The following EIF4ENIF1 variants were observed in gnomAD, a reference collection of about 807,000 sequenced individuals.
EIF4ENIF1 encodes the protein eukaryotic translation initiation factor 4E transporter.
A neutral mutation model predicts 110.5 loss-of-function variants in EIF4ENIF1; 23 were observed. That is an observed-to-expected ratio of 0.21 (90% CI 0.15 to 0.29). The LOEUF is 0.29. Ranked by LOEUF, EIF4ENIF1 falls within the 10% of genes least tolerant of loss-of-function variation. EIF4ENIF1 has a pLI of 1.00. For missense variants in EIF4ENIF1, 1,031 were observed against 1,221.1 expected (o/e 0.84, Z 2.32); for synonymous variants, 440 against 437.0 (o/e 1.01, Z -0.09).
intron 2 of EIF4ENIF1, among the ~76,000 whole-genome samples, chr22:31,487,851 C>T (rs2052103961): frequency 6.6e-6 from 1 of 151,330 alleles, no homozygotes; most frequent in African/African-American, 2.4e-5. Flanking sequence ...GATGTGTGCC[C>T]AACTAGGATA....
At chr22:31,479,211 C>T (rs1462879430) in intron 2 of EIF4ENIF1, among the ~76,000 whole-genome samples, 1 of 151,830 alleles carries the variant, frequency 6.6e-6, no homozygotes, top group East Asian at 2.0e-4. Flanking sequence ...GGATTACAGG[C>T]TCATGCCGCC....
intron 2 of EIF4ENIF1, among the ~76,000 whole-genome samples, chr22:31,478,515 CAAAAAAA>C: frequency 1.1e-5 from 1 of 87,698 alleles, no homozygotes; most frequent in South Asian, 4.2e-4. Context: ...GACTCTGTCT[CAAAAAAA>C]AAAAAAAAAA....
At chr22:31,469,464 A>G (rs1054555148) in intron 3 of EIF4ENIF1, among the ~76,000 whole-genome samples, 8 of 152,220 alleles carry the variant, frequency 5.3e-5, no homozygotes, top group Non-Finnish European at 1.0e-4. Flanking sequence ...ACCAATGAAC[A>G]TTTCTTGAAT....
intron 15 of EIF4ENIF1, chr22:31,443,330 C>G: frequency 2.4e-6 from 1 of 423,322 alleles, no homozygotes; most frequent in South Asian, 4.4e-5. Flanking sequence ...GCCTATGCAG[C>G]CTCTGCGTCA....
At chr22:31,491,100 C>T (rs1472606673), upstream of EIF4ENIF1, among the ~76,000 whole-genome samples, 1 of 152,148 alleles carries the variant, frequency 6.6e-6, no homozygotes, top group Admixed American at 6.5e-5. Flanking sequence ...TCTGCCACCT[C>T]CTACAAGCTA....
chr22:31,484,320 G>A (rs1394853069), intron 2 of EIF4ENIF1, among the ~76,000 whole-genome samples: 1 of 152,090 alleles, frequency 6.6e-6, no homozygotes, highest in African/African-American at 2.4e-5. Flanking sequence ...ACTCTGAAAA[G>A]CACCTGACCA....
chr22:31,459,791 A>G lies in EIF4ENIF1; in HGVS notation c.788-1141T>C, dbSNP rs77341572. Among the ~76,000 whole-genome samples the G allele has an allele frequency of 1.5e-3, 235 of 152,320 alleles. 3 individuals are homozygous for G. The East Asian group carries it at 0.034, about 22-fold the overall frequency. On this transcript the variant is annotated intron_variant, in intron 6 of 18. Coordinates refer to ENST00000330125, the MANE Select transcript of EIF4ENIF1 (RefSeq NM_019843.4). Reference sequence around the variant, plus strand: ...TTTAAATACATAGCAAGGGCAACCTAGAGACATTCTGTAGTTAGCTAATGG... The same window carrying G: ...TTTAAATACATAGCAAGGGCAACCTGGAGACATTCTGTAGTTAGCTAATGG...
intron 17 of EIF4ENIF1, 30 bp downstream of exon 17, chr22:31,441,744 G>C (rs765496977): frequency 6.4e-7 from 1 of 1,572,654 alleles, no homozygotes; most frequent in East Asian, 2.2e-5. Flanking sequence ...CCCACAAACT[G>C]ACGACACCCA....
At chr22:31,471,785 T>C in intron 3 of EIF4ENIF1, 59 bp downstream of exon 3, 1 of 1,396,824 alleles carries the variant, frequency 7.2e-7, no homozygotes, top group Non-Finnish European at 9.9e-7. Flanking sequence ...ATTTACCAAG[T>C]TTGGTATAAC....
At chr22:31,472,667 A>G (rs1009836802) in intron 2 of EIF4ENIF1, among the ~76,000 whole-genome samples, 1 of 152,120 alleles carries the variant, frequency 6.6e-6, no homozygotes, top group South Asian at 2.1e-4. Context: ...TTTATCATTT[A>G]CTTTTTTGCA....
chr22:31,448,277 G>C (rs766126155), intron 12 of EIF4ENIF1, 45 bp from the exon 13 acceptor site: 1 of 1,583,602 alleles, frequency 6.3e-7, no homozygotes, highest in South Asian at 1.1e-5. Flanking sequence ...TGGTATGTGT[G>C]CATCAGGGAG....
chr22:31,468,326 T>C, intron 3 of EIF4ENIF1, 24 bp from the exon 4 acceptor site: 1 of 1,614,066 alleles, frequency 6.2e-7, no homozygotes, highest in Non-Finnish European at 8.5e-7. Flanking sequence ...AATACAACTG[T>C]TAGCACTTAC....
chr22:31,473,871 G>A (rs1204069140), intron 2 of EIF4ENIF1, among the ~76,000 whole-genome samples: 1 of 152,102 alleles, frequency 6.6e-6, no homozygotes, highest in East Asian at 1.9e-4. Flanking sequence ...TTGGTCTTCA[G>A]TTTTCCACTA....
chr22:31,451,827 C>G (rs541077630), intron 10 of EIF4ENIF1, among the ~76,000 whole-genome samples: 1 of 152,254 alleles, frequency 6.6e-6, no homozygotes, highest in East Asian at 1.9e-4. Flanking sequence ...CTGGAGTCCC[C>G]TCCTGCATTT....
At chr22:31,474,149 C>A (rs562162778) in intron 2 of EIF4ENIF1, among the ~76,000 whole-genome samples, 1 of 151,978 alleles carries the variant, frequency 6.6e-6, no homozygotes, top group South Asian at 2.1e-4. Context: ...CCCCTGCCTT[C>A]TGGGTTGAAG....
At chr22:31,440,930 T>C in intron 17 of EIF4ENIF1, 62 bp from the exon 18 acceptor site, 1 of 1,589,780 alleles carries the variant, frequency 6.3e-7, no homozygotes, top group African/African-American at 1.3e-5. Flanking sequence ...TTTTCCAGCT[T>C]CACTGTACAG....
At chr22:31,477,357 C>CAAAAAAAAAAAAAAAAAAAAAAAAAA (rs749894840) in intron 2 of EIF4ENIF1, among the ~76,000 whole-genome samples, 1 of 46,830 alleles carries the variant, frequency 2.1e-5, no homozygotes, top group Non-Finnish European at 4.0e-5. Context: ...CCTCTGTCTC[C>CAAAAAAAAAAAAAAAAAAAAAAAAAA]AAAAAAAAAA....
chr22:31,482,450 G>A (rs113462503), intron 2 of EIF4ENIF1, among the ~76,000 whole-genome samples: 6 of 152,152 alleles, frequency 3.9e-5, no homozygotes, highest in African/African-American at 1.4e-4. Flanking sequence ...GGCAGGCCAC[G>A]GCAGGTGGAT....
intron 2 of EIF4ENIF1, among the ~76,000 whole-genome samples, chr22:31,474,172 C>A (rs1474135659): frequency 6.6e-6 from 1 of 152,050 alleles, no homozygotes; most frequent in Non-Finnish European, 1.5e-5. Flanking sequence ...CTTCTTCCAC[C>A]TCAGCCTCCC....
Sources: allele counts gnomAD v4.1 joint callset (sites outside exome capture counted in the v4.1 genomes callset), GRCh38; gene constraint gnomAD v4.1.1; transcripts MANE v1.5; gene names NCBI Gene and HGNC (gene_info 2026-07-23, HGNC 2026-07-21).